PCSK2: variants seen among roughly 807,000 people sequenced by gnomAD.
The protein encoded by PCSK2 is neuroendocrine convertase 2.
A neutral mutation model predicts 69.7 loss-of-function variants in PCSK2; 14 were observed. The ratio of observed to expected loss-of-function variants is 0.20; its 90% CI spans 0.13 to 0.31. PCSK2 has a LOEUF of 0.31. Ranked by LOEUF, PCSK2 falls within the 10% of genes least tolerant of loss-of-function variation. PCSK2 has a pLI of 1.00. For synonymous variants in PCSK2, 307 were observed against 320.7 expected, an observed-to-expected ratio of 0.96 and a Z score of 0.46; for missense variants, 544 against 842.5, an observed-to-expected ratio of 0.65 and a Z score of 4.39.
intron 4 of PCSK2, 40 bp downstream of exon 4, chr20:17,360,680 G>A (rs761555508): frequency 6.5e-6 from 8 of 1,236,604 alleles, no homozygotes; most frequent in South Asian, 2.5e-5. Context: ...GGAAATAAGC[G>A]TGCCTTTGCT....
Position 17,481,629 on chromosome 20 carries a change from C to T in PCSK2, c.1476C>T (p.Asp492=), listed in dbSNP as rs769960009. 50 of 1,613,864 alleles carry T rather than the reference C, an allele frequency of 3.1e-5. No homozygotes were observed. The highest frequency in any genetic ancestry group is 3.1e-4 in the South Asian group (28 of 91,076). The change falls in exon 12 of 12, where the codon GAC becomes GAT. Residue 492 remains aspartate, a synonymous_variant. Coordinates refer to ENST00000262545, the MANE Select transcript of PCSK2 (RefSeq NM_002594.5). ...AGTTGGTGCTGACACTCACAACCGA[C>T]GCCTGTGAGGGGAAGGAAAATTTTG... The part of the protein sequence containing the change: ...TGKLVLTLTT[D]ACEGKENFVR...
At chr20:17,382,043 A>C (rs989895038) in intron 5 of PCSK2, among the ~76,000 whole-genome samples, 1 of 152,078 alleles carries the variant, frequency 6.6e-6, no homozygotes, top group African/African-American at 2.4e-5. Context: ...CCTATACTAC[A>C]TGGCAGCTTT....
chr20:17,326,349 G>A (rs1381538170), intron 2 of PCSK2, among the ~76,000 whole-genome samples: 1 of 152,164 alleles, frequency 6.6e-6, no homozygotes, highest in Non-Finnish European at 1.5e-5. Context: ...AGAAAAGTCT[G>A]AAAATTGTCA....
intron 2 of PCSK2, among the ~76,000 whole-genome samples, chr20:17,297,220 G>A (rs1393646174): frequency 1.3e-5 from 2 of 152,200 alleles, no homozygotes; most frequent in South Asian, 2.1e-4. Context: ...AGGAAGCAGA[G>A]AGCGATACAG....
intron 8 of PCSK2, among the ~76,000 whole-genome samples, chr20:17,442,280 C>T (rs1424852055): frequency 6.6e-6 from 1 of 151,568 alleles, no homozygotes; most frequent in Non-Finnish European, 1.5e-5. Flanking sequence ...GAAGTGTCAG[C>T]AGGGTTGGCT....
Position 17,451,915 on chromosome 20 carries a change from CTT to C in PCSK2, c.886-1807_886-1806del, listed in dbSNP as rs34323701. The stretch of plus-strand genomic sequence containing the variant: ...TGTGAAACACATCAGTTGTACTTTG[CTT>C]TTTTTTTTTTTTTTTTTTTGAGATG... On this transcript the variant is annotated intron_variant, in intron 8 of 11. Transcript: ENST00000262545. Among the ~76,000 whole-genome samples, 440 of 101,570 alleles carry C rather than the reference CTT, an allele frequency of 4.3e-3. 1 individual carries two copies. The highest frequency in any genetic ancestry group is 0.016 in the African/African-American group (404 of 26,048). The allele number at this position is 101,570 out of a possible 152,430, so 66.6% of individuals were successfully genotyped here.
chr20:17,236,439 A>G (rs1440504113), intron 1 of PCSK2, among the ~76,000 whole-genome samples: 2 of 152,126 alleles, frequency 1.3e-5, no homozygotes. Context: ...ACATAATTCA[A>G]CTTTTGTGAG....
chr20:17,396,133 T>G (rs2031505924), intron 5 of PCSK2, among the ~76,000 whole-genome samples: 1 of 152,202 alleles, frequency 6.6e-6, no homozygotes, highest in South Asian at 2.1e-4. Flanking sequence ...CTCATCACCT[T>G]GACAACACAA....
intron 1 of PCSK2, among the ~76,000 whole-genome samples, chr20:17,258,321 CT>C (rs1296269507): frequency 6.6e-6 from 1 of 152,212 alleles, no homozygotes; most frequent in African/African-American, 2.4e-5. Flanking sequence ...CTTCGGGTTG[CT>C]GCAAACCTCT....
intron 5 of PCSK2, among the ~76,000 whole-genome samples, chr20:17,378,428 T>G (rs1157332766): frequency 7.9e-5 from 12 of 152,166 alleles, no homozygotes; most frequent in Admixed American, 7.9e-4. Context: ...CTAAAGCCCT[T>G]CGACAGATTC....
chr20:17,324,704 C>G (rs1227961303), intron 2 of PCSK2, among the ~76,000 whole-genome samples: 1 of 152,154 alleles, frequency 6.6e-6, no homozygotes, highest in Non-Finnish European at 1.5e-5. Context: ...TATGTACCCT[C>G]CTGGCCCTCC....
At chr20:17,417,920 T>C (rs1017988486) in intron 6 of PCSK2, among the ~76,000 whole-genome samples, 1 of 152,178 alleles carries the variant, frequency 6.6e-6, no homozygotes, top group Non-Finnish European at 1.5e-5. Flanking sequence ...GATTTTTTTC[T>C]AATAACAAGA....
At chr20:17,446,797 T>C (rs2032706652) in intron 8 of PCSK2, among the ~76,000 whole-genome samples, 1 of 152,264 alleles carries the variant, frequency 6.6e-6, no homozygotes, top group South Asian at 2.1e-4. Flanking sequence ...TTAAAATTCA[T>C]ATTTTAATAA....
chr20:17,387,530 G>A (rs952399339), intron 5 of PCSK2, among the ~76,000 whole-genome samples: 2 of 152,172 alleles, frequency 1.3e-5, no homozygotes, highest in Non-Finnish European at 2.9e-5. Flanking sequence ...CTTGCACGTA[G>A]CTCTCCACAA....
intron 5 of PCSK2, among the ~76,000 whole-genome samples, chr20:17,376,376 T>C (rs889740438): frequency 3.9e-5 from 6 of 152,234 alleles, no homozygotes; most frequent in African/African-American, 1.4e-4. Flanking sequence ...TGACATATTA[T>C]GGCCGTTTTT....
chr20:17,313,568 C>T (rs983137328), intron 2 of PCSK2, among the ~76,000 whole-genome samples: 1 of 152,162 alleles, frequency 6.6e-6, no homozygotes, highest in Admixed American at 6.5e-5. Flanking sequence ...AAAACATAAG[C>T]TCATTTTTCT....
At chr20:17,374,188 G>T (rs182834914) in intron 5 of PCSK2, among the ~76,000 whole-genome samples, 31 of 152,272 alleles carry the variant, frequency 2.0e-4, no homozygotes, top group Non-Finnish European at 3.2e-4. Flanking sequence ...TAAGACACAG[G>T]CACTCTCTAG....
chr20:17,301,529 T>A (rs1166676547), intron 2 of PCSK2, among the ~76,000 whole-genome samples: 1 of 152,246 alleles, frequency 6.6e-6, no homozygotes, highest in Non-Finnish European at 1.5e-5. Flanking sequence ...CTTTGATATT[T>A]AAGTTGCCTA....
intron 2 of PCSK2, among the ~76,000 whole-genome samples, chr20:17,347,157 C>T (rs906283839): frequency 1.1e-4 from 17 of 152,168 alleles, no homozygotes; most frequent in African/African-American, 3.4e-4. Context: ...CAGCCATAAT[C>T]GTGGCTTAAC....
Sources: gnomAD v4.1 joint callset for allele counts (sites outside exome capture counted in the v4.1 genomes callset) on GRCh38, gnomAD v4.1.1 for gene constraint, MANE v1.5 for transcripts, NCBI Gene and HGNC (gene_info 2026-07-23, HGNC 2026-07-21) for gene names.